Variants in PAK3 observed in about 807,000 individuals in gnomAD.
The protein encoded by PAK3 is p21 (RAC1) activated kinase 3.
A neutral mutation model predicts 41.0 loss-of-function variants in PAK3; 4 were observed. That is an observed-to-expected ratio of 0.10 (90% confidence interval 0.05 to 0.22). PAK3 has a LOEUF of 0.22. Ranked by LOEUF, PAK3 falls within the 10% of genes least tolerant of loss-of-function variation. The pLI is 1.00. For synonymous variants in PAK3, 146 were observed against 139.6 expected, an observed-to-expected ratio of 1.05 and a Z score of -0.32; for missense variants, 205 against 409.9, an observed-to-expected ratio of 0.50 and a Z score of 4.32.
At chrX:111,060,002 T>C (rs952891581) in intron 1 of PAK3, among the ~76,000 whole-genome samples, 1 of 111,931 alleles carries the variant, frequency 8.9e-6, no homozygotes, top group Non-Finnish European at 1.9e-5. Flanking sequence ...CATTCATGTT[T>C]TGTTTCTGAT....
At chrX:110,972,283 C>T (rs1448720458) in intron 1 of PAK3, among the ~76,000 whole-genome samples, 1 of 111,299 alleles carries the variant, frequency 9.0e-6, no homozygotes, top group Admixed American at 9.5e-5. Flanking sequence ...CAAGTGGGTC[C>T]CCGACCCCCG....
intron 13 of PAK3, among the ~76,000 whole-genome samples, chrX:111,192,916 A>G (rs1027010570): frequency 2.7e-5 from 3 of 112,004 alleles, no homozygotes; most frequent in East Asian, 5.6e-4. Flanking sequence ...TAAACATTAC[A>G]TCAAGTGTTT....
chrX:111,144,239 A>C (rs1409753467), intron 6 of PAK3, among the ~76,000 whole-genome samples: 1 of 111,842 alleles, frequency 8.9e-6, no homozygotes, highest in Non-Finnish European at 1.9e-5. Flanking sequence ...AAATATCCCC[A>C]ATTTGAAATA....
intron 4 of PAK3, among the ~76,000 whole-genome samples, chrX:111,109,615 C>G (rs2093334880): frequency 8.9e-6 from 1 of 111,848 alleles, no homozygotes; most frequent in South Asian, 3.8e-4. Context: ...AGTGATGCCA[C>G]CTTTATTTGC....
At chrX:110,992,413 G>A (rs1366901297) in intron 1 of PAK3, among the ~76,000 whole-genome samples, 1 of 110,375 alleles carries the variant, frequency 9.1e-6, no homozygotes, top group Non-Finnish European at 1.9e-5. Context: ...CTTGTTCAGT[G>A]AAGGACATGA....
chrX:111,046,268 G>GTGT (rs745893801), intron 1 of PAK3, among the ~76,000 whole-genome samples: 6 of 111,665 alleles, frequency 5.4e-5, no homozygotes, highest in African/African-American at 9.8e-5. Flanking sequence ...GGCTGAATTT[G>GTGT]TGTTGTTGTT....
chrX:111,033,691 C>T (rs769828628), intron 1 of PAK3, among the ~76,000 whole-genome samples: 5 of 111,297 alleles, frequency 4.5e-5, no homozygotes, highest in East Asian at 2.8e-4. Context: ...TAGCCAACTG[C>T]GCTTAAGTGA....
At chrX:111,111,863 A>G (rs1370690346) in intron 4 of PAK3, among the ~76,000 whole-genome samples, 2 of 111,444 alleles carry the variant, frequency 1.8e-5, no homozygotes, top group Non-Finnish European at 3.8e-5. Context: ...AGTTAATCCT[A>G]TCAAGGCTGG....
intron 1 of PAK3, among the ~76,000 whole-genome samples, chrX:110,978,005 C>T (rs1448848791): frequency 8.9e-6 from 1 of 111,981 alleles, no homozygotes; most frequent in Non-Finnish European, 1.9e-5. Flanking sequence ...TTAATTATGA[C>T]GTTAGCTGTG....
chrX:110,999,925 G>A (rs2091818188), intron 1 of PAK3, among the ~76,000 whole-genome samples: 1 of 111,309 alleles, frequency 9.0e-6, no homozygotes, highest in Non-Finnish European at 1.9e-5. Context: ...CTAAGATCGC[G>A]CCACTACATT....
intron 4 of PAK3, among the ~76,000 whole-genome samples, chrX:111,119,502 G>GT (rs935530926): frequency 1.9e-4 from 21 of 111,578 alleles, no homozygotes; most frequent in South Asian, 1.5e-3. Flanking sequence ...AAGATAAACA[G>GT]TTTTTTTTAT....
At chrX:111,150,328 C>G (rs2094007723) in intron 7 of PAK3, among the ~76,000 whole-genome samples, 1 of 112,115 alleles carries the variant, frequency 8.9e-6, no homozygotes, top group African/African-American at 3.2e-5. Context: ...TTCCAATTGC[C>G]TGTTGCCCAG....
At chrX:111,122,124 T>C (rs774982178) in intron 4 of PAK3, among the ~76,000 whole-genome samples, 5 of 106,204 alleles carry the variant, frequency 4.7e-5, no homozygotes, top group East Asian at 2.9e-4. Context: ...GGCGTGGTGG[T>C]GGGTGCCTGT....
chrX:111,074,277 G>A (rs2092767451), intron 1 of PAK3, among the ~76,000 whole-genome samples: 1 of 111,488 alleles, frequency 9.0e-6, no homozygotes. Context: ...GGCCTGTTGG[G>A]AGGTTATTGG....
chrX:111,089,013 A>G (rs760045106), intron 1 of PAK3, among the ~76,000 whole-genome samples: 3 of 111,717 alleles, frequency 2.7e-5, no homozygotes, highest in African/African-American at 9.7e-5. Context: ...AAATATTGAC[A>G]TTCAGATTAA....
intron 1 of PAK3, among the ~76,000 whole-genome samples, chrX:110,970,661 C>T (rs938942943): frequency 2.7e-5 from 3 of 111,289 alleles, no homozygotes; most frequent in African/African-American, 9.8e-5. Context: ...GGCTTAAAAC[C>T]TAGATGACAG....
At chrX:110,956,796 C>T (rs2090869370) in intron 1 of PAK3, among the ~76,000 whole-genome samples, 1 of 111,697 alleles carries the variant, frequency 9.0e-6, no homozygotes, top group Non-Finnish European at 1.9e-5. Context: ...AGCACTTAGT[C>T]TCCTCCCCAC....
intron 1 of PAK3, among the ~76,000 whole-genome samples, chrX:111,005,448 G>A (rs1396572539): frequency 1.8e-5 from 2 of 111,784 alleles, no homozygotes; most frequent in Non-Finnish European, 3.8e-5. Flanking sequence ...AAATGCAAAA[G>A]CCTGCTGGCT....
intron 5 of PAK3, among the ~76,000 whole-genome samples, chrX:111,134,080 A>G (rs954040328): frequency 8.9e-6 from 1 of 112,198 alleles, no homozygotes; most frequent in African/African-American, 3.2e-5. Context: ...TCCTACAACA[A>G]GGAAGACTCA....
Sources: allele counts gnomAD v4.1 joint callset (sites outside exome capture counted in the v4.1 genomes callset), GRCh38; gene constraint gnomAD v4.1.1; transcripts MANE v1.5; gene names NCBI Gene and HGNC (gene_info 2026-07-23, HGNC 2026-07-21).